The following PDE4D variants were observed in gnomAD, a reference collection of about 807,000 sequenced individuals.
PDE4D encodes 3',5'-cyclic-AMP phosphodiesterase 4D.
A neutral mutation model predicts 87.4 loss-of-function variants in PDE4D; 24 were observed. The observed-to-expected ratio is 0.27, with a 90% CI of 0.20 to 0.39. The LOEUF is 0.39. Ranked by LOEUF, PDE4D falls within the 10% of genes least tolerant of loss-of-function variation. The probability of loss-of-function intolerance (pLI) is 1.00; values close to 1 mark genes in which losing one functional copy is unlikely to be tolerated. For missense variants in PDE4D, 714 were observed against 1,041.0 expected (o/e 0.69, Z 4.32); for synonymous variants, 384 against 383.2 (o/e 1.00, Z -0.02).
intron 1 of PDE4D, among the ~76,000 whole-genome samples, chr5:59,315,164 G>A (rs554767596): frequency 1.3e-5 from 2 of 152,080 alleles, no homozygotes; most frequent in South Asian, 2.1e-4. Flanking sequence ...ACCCTTCCAC[G>A]TGTCTGCATG....
chr5:60,401,040 GT>G (rs1741034487), intron 1 of PDE4D, among the ~76,000 whole-genome samples: 1 of 152,152 alleles, frequency 6.6e-6, no homozygotes, highest in South Asian at 2.1e-4. Context: ...CAGGGGTACT[GT>G]TTACAAAACC....
At chr5:59,328,575 G>A (rs905860956) in intron 1 of PDE4D, among the ~76,000 whole-genome samples, 7 of 152,098 alleles carry the variant, frequency 4.6e-5, no homozygotes, top group African/African-American at 1.2e-4. Flanking sequence ...TAATAGCCTC[G>A]ATGGACTCTA....
intron 5 of PDE4D, among the ~76,000 whole-genome samples, chr5:59,076,805 A>G (rs1009256953): frequency 2.0e-5 from 3 of 152,172 alleles, no homozygotes; most frequent in African/African-American, 7.2e-5. Flanking sequence ...CTCCAACAAC[A>G]TAGTATAACT....
chr5:60,274,848 C>G (rs1290315437), intron 1 of PDE4D, among the ~76,000 whole-genome samples: 1 of 152,200 alleles, frequency 6.6e-6, no homozygotes, highest in Non-Finnish European at 1.5e-5. Context: ...ATGCAAATAT[C>G]CAGATGTCCT....
chr5:59,230,025 G>A (rs763209053), intron 1 of PDE4D, among the ~76,000 whole-genome samples: 3 of 152,154 alleles, frequency 2.0e-5, no homozygotes, highest in Non-Finnish European at 2.9e-5. Context: ...GACCTCAGGC[G>A]ATCCGCCTGC....
At position 59,242,143 on chromosome 5, in the gene PDE4D, C is replaced by T. The variant is rs1757811290; in HGVS notation, c.456-26175G>A. On this transcript the variant is annotated intron_variant, in intron 1 of 14. Coordinates refer to ENST00000340635, the MANE Select transcript of PDE4D (RefSeq NM_001104631.2). ...TGGTGGCCCACACATGTAGTCCCAG[C>T]TACTCAAGAAGCTGACATTGGAGGA... Among the ~76,000 whole-genome samples, 4 of 152,252 alleles carry T rather than the reference C, an allele frequency of 2.6e-5. No homozygotes were observed. The South Asian group carries it at 8.3e-4, about 32-fold the overall frequency.
At position 60,088,634 on chromosome 5, in the gene PDE4D, C is replaced by G. The variant is rs539701345; in HGVS notation, c.42+96923G>C. On this transcript the variant is annotated intron_variant, in intron 2 of 16. Transcript: ENST00000502484. Reference sequence around the variant, plus strand: ...TATATTTTTATAAGCCTTGTAGTAACAACAAAGCAAAAACCTATTATAGAT... The same window carrying G: ...TATATTTTTATAAGCCTTGTAGTAAGAACAAAGCAAAAACCTATTATAGAT... 4.0e-5 allele frequency among the ~76,000 whole-genome samples: 6 copies of G among 151,466 alleles called. No homozygotes were observed. The South Asian group carries it at 1.3e-3, about 32-fold the overall frequency.
At chr5:60,514,783 G>A (rs979436328) in intron 1 of PDE4D, among the ~76,000 whole-genome samples, 1 of 151,868 alleles carries the variant, frequency 6.6e-6, no homozygotes, top group African/African-American at 2.4e-5. Flanking sequence ...AATCAGGAAT[G>A]AGAAAAAAAT....
intron 1 of PDE4D, among the ~76,000 whole-genome samples, chr5:59,601,192 G>A (rs140716909): frequency 1.0e-3 from 153 of 152,264 alleles, no homozygotes; most frequent in African/African-American, 3.3e-3. Flanking sequence ...AGAATAATGA[G>A]CTAATTTGTA....
intron 1 of PDE4D, among the ~76,000 whole-genome samples, chr5:59,629,211 T>A (rs1831263610): frequency 6.6e-6 from 1 of 151,862 alleles, no homozygotes; most frequent in African/African-American, 2.4e-5. Flanking sequence ...GACTTCTGAG[T>A]GTTGTTATGG....
chr5:59,103,951 G>A (rs566617623), intron 5 of PDE4D, among the ~76,000 whole-genome samples: 13 of 152,314 alleles, frequency 8.5e-5, no homozygotes, highest in African/African-American at 2.2e-4. Flanking sequence ...TCCCACAGCC[G>A]TGGTTTGCAT....
At chr5:59,604,273 C>T (rs1827895197) in intron 1 of PDE4D, among the ~76,000 whole-genome samples, 1 of 151,956 alleles carries the variant, frequency 6.6e-6, no homozygotes, top group Non-Finnish European at 1.5e-5. Flanking sequence ...TGATACATAT[C>T]TCCTAGATTT....
At chr5:59,564,202 G>A (rs1820519730) in intron 1 of PDE4D, among the ~76,000 whole-genome samples, 1 of 152,136 alleles carries the variant, frequency 6.6e-6, no homozygotes, top group Admixed American at 6.5e-5. Flanking sequence ...GTTATAAGCA[G>A]GTCTCAGCAT....
chr5:59,965,401 A>T (rs192591743), intron 3 of PDE4D, among the ~76,000 whole-genome samples: 2 of 152,114 alleles, frequency 1.3e-5, no homozygotes, highest in African/African-American at 4.8e-5. Flanking sequence ...TCTCAGTGAG[A>T]TCTTCCATGG....
At chr5:59,517,277 T>C (rs1811339345) in intron 1 of PDE4D, among the ~76,000 whole-genome samples, 1 of 152,216 alleles carries the variant, frequency 6.6e-6, no homozygotes, top group African/African-American at 2.4e-5. Flanking sequence ...TTGCATAAAA[T>C]GCATGCATAT....
Position 60,230,770 on chromosome 5 carries a change from A to G in PDE4D, c.-89-45083T>C, listed in dbSNP as rs143752126. ...TCTCAACCACTATTTTGTTTACACA[A>G]TCTTCATTGAGGAGTTTTCTAAAAT... On this transcript the variant is annotated intron_variant, in intron 1 of 16. Coordinates refer to the PDE4D transcript ENST00000502484. 2.4e-3 allele frequency among the ~76,000 whole-genome samples: 362 copies of G among 152,284 alleles called. 4 individuals carry two copies. The highest frequency in any genetic ancestry group is 0.014 in the South Asian group (67 of 4,830).
Position 59,481,311 on chromosome 5 carries a change from C to T in PDE4D, c.456-265343G>A, listed in dbSNP as rs561758296. Reference sequence around the variant, plus strand: ...TGTTTTCTGACTTTGCTGTATGAGTCTTGCTTGTTCAATATGGCAGTTAAA... The same window carrying T: ...TGTTTTCTGACTTTGCTGTATGAGTTTTGCTTGTTCAATATGGCAGTTAAA... On this transcript the variant is annotated intron_variant, in intron 1 of 14. Coordinates refer to ENST00000340635, the MANE Select transcript of PDE4D (RefSeq NM_001104631.2). Among the ~76,000 whole-genome samples the T allele has an allele frequency of 3.3e-5, 5 of 151,050 alleles. No homozygotes were observed. In the East Asian group the frequency reaches 7.8e-4, roughly 24 times the overall value.
chr5:60,112,988 G>C (rs548226137), intron 2 of PDE4D, among the ~76,000 whole-genome samples: 1 of 152,084 alleles, frequency 6.6e-6, no homozygotes, highest in Non-Finnish European at 1.5e-5. Context: ...ATCCAATCCA[G>C]GGAGATGAGA....
chr5:59,144,710 T>C (rs1778354493), intron 5 of PDE4D, among the ~76,000 whole-genome samples: 1 of 152,200 alleles, frequency 6.6e-6, no homozygotes, highest in African/African-American at 2.4e-5. Flanking sequence ...TGCAGGAGCT[T>C]GCAATCAAGT....
Sources: allele counts gnomAD v4.1 joint callset (sites outside exome capture counted in the v4.1 genomes callset), GRCh38; gene constraint gnomAD v4.1.1; transcripts MANE v1.5; gene names NCBI Gene and HGNC (gene_info 2026-07-23, HGNC 2026-07-21).